The following ZBBX variants were observed in gnomAD, a reference collection of about 807,000 sequenced individuals.
ZBBX encodes zinc finger B-box domain-containing protein 1.
In ZBBX, 101 loss-of-function variants were observed where a neutral mutation model predicts 108.5. That is an observed-to-expected ratio of 0.93 (90% CI 0.79 to 1.10). The LOEUF is 1.10. ZBBX is among the 50% of genes least tolerant of loss of function. The probability of loss-of-function intolerance (pLI) is 0.00; values close to 1 mark genes in which losing one functional copy is unlikely to be tolerated. For synonymous variants in ZBBX, 356 were observed against 323.4 expected, an observed-to-expected ratio of 1.10 and a Z score of -1.08; for missense variants, 1,009 against 941.4, an observed-to-expected ratio of 1.07 and a Z score of -0.94.
intron 18 of ZBBX, among the ~76,000 whole-genome samples, chr3:167,291,954 C>T (rs548893054): frequency 1.3e-4 from 20 of 152,150 alleles, no homozygotes; most frequent in South Asian, 2.1e-4. Context: ...TCAAAAGAGA[C>T]GAAGAAGCCA....
At chr3:167,256,355 G>C (rs1460929327) in intron 20 of ZBBX, among the ~76,000 whole-genome samples, 1 of 151,898 alleles carries the variant, frequency 6.6e-6, no homozygotes, top group Non-Finnish European at 1.5e-5. Context: ...TATATTTATG[G>C]GGTACATGAA....
the ZBBX span, among the ~76,000 whole-genome samples, chr3:167,186,229 T>C: frequency 6.6e-6 from 1 of 152,068 alleles, no homozygotes; most frequent in Non-Finnish European, 1.5e-5. Context: ...GATTACTTTA[T>C]TTCAAAAGGG....
intron 19 of ZBBX, among the ~76,000 whole-genome samples, chr3:167,284,269 T>C (rs943781456): frequency 6.6e-6 from 1 of 151,664 alleles, no homozygotes; most frequent in South Asian, 2.1e-4. Flanking sequence ...TTATCTATAA[T>C]ATGTAAAGAA....
chr3:167,312,446 T>A (rs1734749107), intron 16 of ZBBX, among the ~76,000 whole-genome samples: 1 of 152,184 alleles, frequency 6.6e-6, no homozygotes, highest in Non-Finnish European at 1.5e-5. Flanking sequence ...TGAGTTACAA[T>A]AATGTATCAA....
chr3:167,204,238 CTTTTCT>C, the ZBBX span, among the ~76,000 whole-genome samples: 3 of 69,300 alleles, frequency 4.3e-5, no homozygotes, highest in Admixed American at 1.6e-4. Flanking sequence ...AATTTCTTTT[CTTTTCT>C]TTTTTTTTTA....
chr3:167,302,904 G>A (rs73879657), intron 17 of ZBBX, among the ~76,000 whole-genome samples: 2,625 of 152,268 alleles, frequency 0.017, 76 homozygotes, highest in African/African-American at 0.06. Flanking sequence ...CAGTAAGCCT[G>A]CCTGACCTTT....
the ZBBX span, among the ~76,000 whole-genome samples, chr3:167,180,770 A>G: frequency 6.6e-6 from 1 of 152,212 alleles, no homozygotes; most frequent in Non-Finnish European, 1.5e-5. Context: ...TGTTCAGCTA[A>G]GGGGATAGTA....
At chr3:167,347,627 A>G (rs1170069507) in intron 9 of ZBBX, among the ~76,000 whole-genome samples, 5 of 152,100 alleles carry the variant, frequency 3.3e-5, no homozygotes, top group Non-Finnish European at 7.4e-5. Flanking sequence ...CCTTCAAAGT[A>G]CTTTATTCCT....
chr3:167,393,046 C>A (rs924837292), intron 1 of ZBBX, among the ~76,000 whole-genome samples: 1 of 151,618 alleles, frequency 6.6e-6, no homozygotes, highest in Non-Finnish European at 1.5e-5. Flanking sequence ...TTTCAGAGAC[C>A]AAGATGTAAG....
intron 4 of ZBBX, among the ~76,000 whole-genome samples, chr3:167,370,851 ATTG>A (rs1428250872): frequency 1.3e-5 from 2 of 152,226 alleles, no homozygotes; most frequent in African/African-American, 2.4e-5. Context: ...TAGAAAAAAA[ATTG>A]TTATTTTAAA....
intron 20 of ZBBX, 148 bp from the exon 21 acceptor site, chr3:167,242,791 T>G (rs1560013343): frequency 6.7e-6 from 5 of 740,876 alleles, no homozygotes; most frequent in African/African-American, 1.8e-5. Context: ...TTTTCTAATG[T>G]TTGTGAGGTA....
rs201530245 is a variant in ZBBX, at chr3:167,287,430, T to C, written c.1996+1437A>G. Reference sequence around the variant, plus strand: ...AAGAGTCAGATCCAGAAATCTGCATTGCAAGAGGTTTCCCAGGTGATTATG... The same window carrying C: ...AAGAGTCAGATCCAGAAATCTGCATCGCAAGAGGTTTCCCAGGTGATTATG... On this transcript the variant is annotated intron_variant, in intron 19 of 21. Transcript: ENST00000675490. Among the ~76,000 whole-genome samples, 85 of 152,242 alleles carry C rather than the reference T, an allele frequency of 5.6e-4. No homozygotes were observed. The East Asian group carries it at 0.012, about 22-fold the overall frequency.
chr3:167,394,532 C>G (rs1748172944), intron 1 of ZBBX, among the ~76,000 whole-genome samples: 1 of 151,586 alleles, frequency 6.6e-6, no homozygotes, highest in African/African-American at 2.4e-5. Flanking sequence ...AAATGCTATT[C>G]TGTCCTTTCA....
intron 4 of ZBBX, among the ~76,000 whole-genome samples, chr3:167,371,826 C>G (rs1326701211): frequency 3.3e-5 from 5 of 152,090 alleles, no homozygotes; most frequent in African/African-American, 1.2e-4. Context: ...TACCCCATAT[C>G]TCAAAGTGAA....
rs867713926 is a variant in ZBBX at position 167,348,219 on chromosome 3, A to G, written c.528+2201T>C. 1.3e-3 allele frequency among the ~76,000 whole-genome samples: 148 copies of G among 115,056 alleles called. 3 individuals carry two copies. Among genetic ancestry groups the G allele is most frequent in the East Asian group, 6.4e-3 (24 of 3,772 alleles). 75.5% of individuals were successfully genotyped at this position (115,056 alleles called of 152,430 possible). On this transcript the variant is annotated intron_variant, in intron 9 of 21. Coordinates refer to ENST00000675490, the MANE Select transcript of ZBBX (RefSeq NM_001199201.2). Reference sequence around the variant, plus strand: ...GAAAGAAGGAAGGAAGGAAGGAAGCAAGGGAGGGAGGAGGGAAGGAAGGGA... The same window carrying G: ...GAAAGAAGGAAGGAAGGAAGGAAGCGAGGGAGGGAGGAGGGAAGGAAGGGA...
chr3:167,364,215 C>T (rs1744979264), intron 6 of ZBBX, among the ~76,000 whole-genome samples: 1 of 151,178 alleles, frequency 6.6e-6, no homozygotes, highest in Non-Finnish European at 1.5e-5. Context: ...AAAACAACAA[C>T]AACAACAAAA....
chr3:167,281,287 C>T (rs1214681865), intron 20 of ZBBX, among the ~76,000 whole-genome samples: 2 of 151,946 alleles, frequency 1.3e-5, no homozygotes, highest in Non-Finnish European at 2.9e-5. Flanking sequence ...AAAAATGATT[C>T]TCACTAAATG....
downstream of ZBBX, among the ~76,000 whole-genome samples, chr3:167,237,299 T>A (rs926609810): frequency 4.6e-5 from 7 of 151,884 alleles, no homozygotes. Context: ...TAATGTTAAT[T>A]TGTCTGCAGC....
chr3:167,372,966 A>G lies in ZBBX; in HGVS notation c.-49-16T>C. 1 of 1,277,072 alleles carries G rather than the reference A, an allele frequency of 7.8e-7. No homozygotes were observed. Among genetic ancestry groups the G allele is most frequent in the Non-Finnish European group, 1.1e-6 (1 of 913,590 alleles). The allele number at this position is 1,277,072 out of a possible 1,614,324, so 79.1% of individuals were successfully genotyped here. On this transcript the variant is annotated splice_polypyrimidine_tract_variant and intron_variant, in intron 3 of 21. Coordinates refer to ENST00000675490, the MANE Select transcript of ZBBX (RefSeq NM_001199201.2). ...GTAAACACTTCTGTAAAAGTAACAAAGACAAAAGAATTATGGCAGAGGTGA... is the reference window on the plus strand; with the variant it reads ...GTAAACACTTCTGTAAAAGTAACAAGGACAAAAGAATTATGGCAGAGGTGA...
Sources: gnomAD v4.1 joint callset for allele counts (sites outside exome capture counted in the v4.1 genomes callset) on GRCh38, gnomAD v4.1.1 for gene constraint, MANE v1.5 for transcripts, NCBI Gene and HGNC (gene_info 2026-07-23, HGNC 2026-07-21) for gene names.